EPHA3: variants seen among roughly 807,000 people sequenced by gnomAD.
EPHA3 encodes EPH receptor A3.
Under a neutral mutation model 107.1 loss-of-function variants are expected in EPHA3, and 42 were observed. The observed-to-expected ratio is 0.39, with a 90% confidence interval of 0.31 to 0.51. EPHA3 has a LOEUF of 0.51. Among genes scored for constraint, EPHA3 ranks in the 20% least tolerant of loss-of-function variants. The probability of loss-of-function intolerance (pLI) is 0.78; values close to 1 mark genes in which losing one functional copy is unlikely to be tolerated. For missense variants in EPHA3, 1,183 were observed against 1,211.2 expected (o/e 0.98, Z 0.35); for synonymous variants, 461 against 424.8 (o/e 1.09, Z -1.05).
chr3:89,182,234 C>T (rs927746652), intron 2 of EPHA3, among the ~76,000 whole-genome samples: 2 of 151,854 alleles, frequency 1.3e-5, no homozygotes, highest in Non-Finnish European at 2.9e-5. Context: ...TTTATAGCCC[C>T]AACCATGCCT....
At chr3:89,229,314 T>C (rs34855223) in intron 3 of EPHA3, among the ~76,000 whole-genome samples, 20,944 of 151,800 alleles carry the variant, frequency 0.14, 1,556 homozygotes, top group African/African-American at 0.2. Flanking sequence ...AACTCAAGTT[T>C]GAAGAACTTC....
At chr3:89,387,042 ACT>A (rs1446570634) in intron 5 of EPHA3, among the ~76,000 whole-genome samples, 1 of 152,108 alleles carries the variant, frequency 6.6e-6, no homozygotes, top group Non-Finnish European at 1.5e-5. Flanking sequence ...AAAGGACTTG[ACT>A]TGTCTCAGAT....
At chr3:89,347,740 T>C (rs1707707160) in intron 5 of EPHA3, among the ~76,000 whole-genome samples, 1 of 150,294 alleles carries the variant, frequency 6.7e-6, no homozygotes, top group Admixed American at 6.7e-5. Context: ...AGTATGATAT[T>C]GGCTGTGGGT....
intron 3 of EPHA3, among the ~76,000 whole-genome samples, chr3:89,285,474 T>G (rs1706059532): frequency 6.6e-6 from 1 of 152,162 alleles, no homozygotes; most frequent in African/African-American, 2.4e-5. Flanking sequence ...AGGTAATCAT[T>G]ACTATGAAGC....
At chr3:89,188,484 A>G (rs568568143) in intron 2 of EPHA3, among the ~76,000 whole-genome samples, 1 of 152,172 alleles carries the variant, frequency 6.6e-6, no homozygotes, top group Non-Finnish European at 1.5e-5. Context: ...AGATTCTCCC[A>G]AAAATTCTTG....
chr3:89,370,478 A>C (rs1708277025), intron 5 of EPHA3, among the ~76,000 whole-genome samples: 1 of 149,828 alleles, frequency 6.7e-6, no homozygotes, highest in Admixed American at 6.6e-5. Flanking sequence ...GGACACAGGA[A>C]GGGGAACATC....
At chr3:89,148,353 A>G (rs1316078329) in intron 2 of EPHA3, among the ~76,000 whole-genome samples, 1 of 151,948 alleles carries the variant, frequency 6.6e-6, no homozygotes, top group African/African-American at 2.4e-5. Flanking sequence ...GTTTTACTGG[A>G]AAGAGTCTCT....
chr3:89,259,917 A>G (rs1483928809), intron 3 of EPHA3, among the ~76,000 whole-genome samples: 7 of 152,076 alleles, frequency 4.6e-5, no homozygotes, highest in African/African-American at 9.6e-5. Flanking sequence ...ATCATACAAT[A>G]TTTTTCTTTC....
intron 15 of EPHA3, among the ~76,000 whole-genome samples, chr3:89,457,630 A>G (rs1246678630): frequency 2.6e-5 from 4 of 152,122 alleles, no homozygotes; most frequent in African/African-American, 9.7e-5. Context: ...GCGATAGATG[A>G]TTCGTCAGGT....
At chr3:89,278,691 T>A (rs1705869239) in intron 3 of EPHA3, among the ~76,000 whole-genome samples, 1 of 152,200 alleles carries the variant, frequency 6.6e-6, no homozygotes, top group South Asian at 2.1e-4. Context: ...GCTCTGCTAT[T>A]TTCAGATCTT....
chr3:89,172,281 T>G (rs1317689982), intron 2 of EPHA3, among the ~76,000 whole-genome samples: 1 of 152,132 alleles, frequency 6.6e-6, no homozygotes, highest in Non-Finnish European at 1.5e-5. Context: ...GAGCTCATTG[T>G]GTGCCCAAAC....
At chr3:89,373,820 A>G (rs1708350995) in intron 5 of EPHA3, among the ~76,000 whole-genome samples, 2 of 151,870 alleles carry the variant, frequency 1.3e-5, no homozygotes, top group African/African-American at 2.4e-5. Context: ...TTATATTAAC[A>G]TAGAACTAAA....
At chr3:89,274,046 T>C (rs939192586) in intron 3 of EPHA3, among the ~76,000 whole-genome samples, 4 of 151,946 alleles carry the variant, frequency 2.6e-5, no homozygotes, top group African/African-American at 7.2e-5. Flanking sequence ...GCTGAGAACA[T>C]GCATGTCAGG....
intron 3 of EPHA3, among the ~76,000 whole-genome samples, chr3:89,250,520 T>C (rs1170759405): frequency 6.6e-6 from 1 of 152,118 alleles, no homozygotes; most frequent in Non-Finnish European, 1.5e-5. Context: ...AATTAAGTCT[T>C]CATTCTATAA....
chr3:89,421,630 T>C (rs1709355321), intron 11 of EPHA3, among the ~76,000 whole-genome samples: 1 of 151,340 alleles, frequency 6.6e-6, no homozygotes, highest in African/African-American at 2.4e-5. Context: ...CACTCTATTA[T>C]TTTGTCAGTC....
intron 3 of EPHA3, among the ~76,000 whole-genome samples, chr3:89,251,621 C>T (rs1279707977): frequency 1.3e-5 from 2 of 152,036 alleles, no homozygotes; most frequent in African/African-American, 4.8e-5. Flanking sequence ...TAAGCCCCTG[C>T]TCTTTCAACT....
At position 89,411,202 on chromosome 3, in the gene EPHA3, G is replaced by C. The variant is rs1243588556; in HGVS notation, c.1763-1939G>C. Among the ~76,000 whole-genome samples, 14 of 149,150 alleles carry C rather than the reference G, an allele frequency of 9.4e-5. No homozygotes were observed. The East Asian group carries it at 2.4e-3, about 25-fold the overall frequency. ...CTCAGAGCCCTAGCTTGTCTTTTTTGCCAAGATATTCAAGATGAAAAACTC... is the reference window on the plus strand; with the variant it reads ...CTCAGAGCCCTAGCTTGTCTTTTTTCCCAAGATATTCAAGATGAAAAACTC... On this transcript the variant is annotated intron_variant, in intron 9 of 16. Coordinates refer to ENST00000336596, the MANE Select transcript of EPHA3 (RefSeq NM_005233.6).
chr3:89,192,020 C>A (rs190081890), intron 2 of EPHA3, among the ~76,000 whole-genome samples: 70 of 152,208 alleles, frequency 4.6e-4, no homozygotes, highest in Non-Finnish European at 7.6e-4. Flanking sequence ...GACTTCGGGA[C>A]CTTCCTTAAT....
At chr3:89,296,409 T>C (rs1006257888) in intron 3 of EPHA3, among the ~76,000 whole-genome samples, 3 of 152,228 alleles carry the variant, frequency 2.0e-5, no homozygotes, top group Admixed American at 2.0e-4. Flanking sequence ...AATCTTTGTA[T>C]GTACATCTTC....
Sources: allele counts gnomAD v4.1 joint callset (sites outside exome capture counted in the v4.1 genomes callset), GRCh38; gene constraint gnomAD v4.1.1; transcripts MANE v1.5; gene names NCBI Gene and HGNC (gene_info 2026-07-23, HGNC 2026-07-21).